Variants in SLC18A2 observed in about 807,000 individuals in gnomAD.
The protein encoded by SLC18A2 is synaptic vesicular amine transporter.
Under a neutral mutation model 59.2 loss-of-function variants are expected in SLC18A2, and 33 were observed. The observed-to-expected ratio is 0.56, with a 90% CI of 0.42 to 0.75. The LOEUF (loss-of-function observed/expected upper bound fraction) is 0.75, where lower values mean the gene tolerates loss of function less well. Ranked by LOEUF, SLC18A2 falls within the 30% of genes least tolerant of loss-of-function variation. The pLI, the probability that SLC18A2 is intolerant of heterozygous loss-of-function variation, is 0.00. For synonymous variants in SLC18A2, 228 were observed against 253.5 expected, an observed-to-expected ratio of 0.90 and a Z score of 0.95; for missense variants, 569 against 668.6, an observed-to-expected ratio of 0.85 and a Z score of 1.64.
At chr10:117,272,879 A>G (rs1565010044) in intron 15 of SLC18A2, among the ~76,000 whole-genome samples, 1 of 152,256 alleles carries the variant, frequency 6.6e-6, no homozygotes, top group East Asian at 1.9e-4. Context: ...ACAGCACCTA[A>G]TGATAAGGGG....
At chr10:117,249,819 T>C (rs920491268) in intron 3 of SLC18A2, among the ~76,000 whole-genome samples, 1 of 128,206 alleles carries the variant, frequency 7.8e-6, no homozygotes, top group Non-Finnish European at 1.8e-5. Flanking sequence ...ATTCATTATG[T>C]GATTTTTAGT....
chr10:117,255,994 T>C (rs1160021166), intron 9 of SLC18A2, among the ~76,000 whole-genome samples: 3 of 152,188 alleles, frequency 2.0e-5, no homozygotes, highest in African/African-American at 7.2e-5. Flanking sequence ...CATCATTGTT[T>C]GGCCTTGAAC....
intron 15 of SLC18A2, among the ~76,000 whole-genome samples, chr10:117,272,813 A>G (rs1844441921): frequency 6.6e-6 from 1 of 152,230 alleles, no homozygotes; most frequent in Non-Finnish European, 1.5e-5. Flanking sequence ...AGTGGTGGCC[A>G]GCAGTTGCTG....
intron 10 of SLC18A2, among the ~76,000 whole-genome samples, chr10:117,264,496 CA>C (rs1488827847): frequency 6.6e-6 from 1 of 152,176 alleles, no homozygotes; most frequent in Non-Finnish European, 1.5e-5. Flanking sequence ...GACTCCACCT[CA>C]AAAAACAAAC....
In SLC18A2 at chr10:117,264,704, T is replaced by G. The variant is rs769850186; in HGVS notation, c.992-2029T>G. On this transcript the variant is annotated intron_variant, in intron 10 of 15. Coordinates refer to ENST00000644641, the MANE Select transcript of SLC18A2 (RefSeq NM_003054.6). ...ATGGTATCTGCACTGTTATTTCTGC[T>G]TGCAATTTGCTTGTTTTATTCATTT... Among the ~76,000 whole-genome samples the G allele has an allele frequency of 5.3e-5, 8 of 152,306 alleles. No homozygotes were observed. In the East Asian group the frequency reaches 1.4e-3, roughly 26 times the overall value.
chr10:117,267,427 A>T (rs1354780894), intron 12 of SLC18A2: 17 of 457,218 alleles, frequency 3.7e-5, no homozygotes, highest in Non-Finnish European at 6.3e-5. Flanking sequence ...TTGAGGGTGG[A>T]CTAGGCTGAT....
chr10:117,252,014 A>C (rs1018226878), intron 3 of SLC18A2, among the ~76,000 whole-genome samples: 1 of 152,024 alleles, frequency 6.6e-6, no homozygotes, highest in Non-Finnish European at 1.5e-5. Flanking sequence ...GCTGGAGTGC[A>C]GTGGCATGAT....
At chr10:117,251,798 T>A (rs1844164885) in intron 3 of SLC18A2, among the ~76,000 whole-genome samples, 1 of 152,206 alleles carries the variant, frequency 6.6e-6, no homozygotes, top group Non-Finnish European at 1.5e-5. Context: ...ATTAGTCTGA[T>A]GACATCTGAT....
intron 3 of SLC18A2, among the ~76,000 whole-genome samples, chr10:117,244,607 A>G (rs1844092599): frequency 6.6e-6 from 1 of 152,264 alleles, no homozygotes; most frequent in Non-Finnish European, 1.5e-5. Context: ...AGGTTTCGTA[A>G]GTGCATTTGT....
intron 3 of SLC18A2, among the ~76,000 whole-genome samples, chr10:117,246,253 C>T (rs1253412915): frequency 1.3e-5 from 2 of 152,200 alleles, no homozygotes; most frequent in African/African-American, 2.4e-5. Flanking sequence ...CGTTACTAGC[C>T]GTACAGTGTA....
intron 15 of SLC18A2, among the ~76,000 whole-genome samples, chr10:117,275,613 A>G (rs955890600): frequency 6.6e-6 from 1 of 151,948 alleles, no homozygotes; most frequent in Non-Finnish European, 1.5e-5. Context: ...CTAGCTGTAC[A>G]CCCCTCGGTC....
At chr10:117,257,235 T>C (rs896751835) in intron 9 of SLC18A2, among the ~76,000 whole-genome samples, 1 of 152,284 alleles carries the variant, frequency 6.6e-6, no homozygotes, top group Admixed American at 6.5e-5. Flanking sequence ...TACAAAGGGT[T>C]CTGGTTAAGA....
chr10:117,246,801 C>T (rs904779816), intron 3 of SLC18A2, among the ~76,000 whole-genome samples: 2 of 151,998 alleles, frequency 1.3e-5, no homozygotes, highest in Non-Finnish European at 2.9e-5. Context: ...TACAGGCGTG[C>T]ACCACTATGC....
At position 117,277,552 on chromosome 10, in the gene SLC18A2, TATAA is replaced by T. The variant is rs1844518191; in HGVS notation, c.*290_*293del. The T allele has an allele frequency of 5.4e-6, 1 of 184,142 alleles. No homozygotes were observed. The allele number at this position is 184,142 out of a possible 1,614,324, so 11.4% of individuals were successfully genotyped here. A position where few individuals can be genotyped will look rare whatever the true frequency, so the allele number is the denominator to read the frequency against. Reference sequence around the variant, plus strand: ...TGATGAAATAGGTATTGTGTAAATCTATAAATATTTGAATCCAAACCAAATATAA... The same window carrying T: ...TGATGAAATAGGTATTGTGTAAATCTATATTTGAATCCAAACCAAATATAA... On this transcript the variant is annotated 3_prime_UTR_variant, in exon 16 of 16. Coordinates refer to ENST00000644641, the MANE Select transcript of SLC18A2 (RefSeq NM_003054.6).
chr10:117,276,719 A>C (rs1174311286), intron 15 of SLC18A2, among the ~76,000 whole-genome samples: 1 of 152,050 alleles, frequency 6.6e-6, no homozygotes, highest in Non-Finnish European at 1.5e-5. Flanking sequence ...ACTTAGGTAC[A>C]TTTCTCACAT....
chr10:117,241,687 C>G lies in SLC18A2; in HGVS notation c.-7C>G, dbSNP rs753921678. On this transcript the variant is annotated 5_prime_UTR_variant, in exon 2 of 16. Transcript: ENST00000644641. Reference sequence around the variant, plus strand: ...GCGCACCGCGCCCGCAGCGGAGCCCCGGAGCCATGGCCCTGAGCGAGCTGG... The same window carrying G: ...GCGCACCGCGCCCGCAGCGGAGCCCGGGAGCCATGGCCCTGAGCGAGCTGG... 9.5e-6 allele frequency: 15 copies of G among 1,580,358 alleles called. No homozygotes were observed. The South Asian group carries it at 1.4e-4, about 14-fold the overall frequency.
At chr10:117,242,777 G>C (rs1269170084) in intron 2 of SLC18A2, among the ~76,000 whole-genome samples, 4 of 152,154 alleles carry the variant, frequency 2.6e-5, no homozygotes, top group African/African-American at 9.7e-5. Flanking sequence ...CTGTTGCCCA[G>C]GCTGGAGGGC....
chr10:117,252,134 A>ATATTT (rs1844168300), intron 3 of SLC18A2, among the ~76,000 whole-genome samples: 1 of 44,348 alleles, frequency 2.3e-5, no homozygotes, highest in Non-Finnish European at 4.4e-5. Flanking sequence ...CATTTTTTGT[A>ATATTT]TTTTTTTTTT....
At chr10:117,261,008 T>C in intron 10 of SLC18A2, among the ~76,000 whole-genome samples, 1 of 152,184 alleles carries the variant, frequency 6.6e-6, no homozygotes, top group African/African-American at 2.4e-5. Flanking sequence ...AAGGTGGAGC[T>C]GAGCTTAAAA....
Sources: allele counts gnomAD v4.1 joint callset (sites outside exome capture counted in the v4.1 genomes callset), GRCh38; gene constraint gnomAD v4.1.1; transcripts MANE v1.5; gene names NCBI Gene and HGNC (gene_info 2026-07-23, HGNC 2026-07-21).